Variants in XRN1 observed in about 807,000 individuals in gnomAD.
XRN1 encodes the protein strand-exchange protein 1 homolog.
A neutral mutation model predicts 222.3 loss-of-function variants in XRN1; 67 were observed. The ratio of observed to expected loss-of-function variants is 0.30; its 90% confidence interval spans 0.25 to 0.37. XRN1 has a LOEUF of 0.37. Ranked by LOEUF, XRN1 falls within the 10% of genes least tolerant of loss-of-function variation. The pLI is 1.00. For synonymous variants in XRN1, 643 were observed against 652.4 expected (o/e 0.99, Z 0.22); for missense variants, 1,707 against 2,000.2 (o/e 0.85, Z 2.80).
At chr3:142,396,075 A>G (rs757073870) in intron 20 of XRN1, among the ~76,000 whole-genome samples, 130 of 152,228 alleles carry the variant, frequency 8.5e-4, no homozygotes, top group Non-Finnish European at 1.4e-3. Context: ...TGTAAATATC[A>G]TAAGTGTAGG....
intron 33 of XRN1, among the ~76,000 whole-genome samples, chr3:142,338,060 C>G (rs916312250): frequency 4.6e-5 from 7 of 152,194 alleles, no homozygotes; most frequent in Non-Finnish European, 1.5e-5. Flanking sequence ...ACAAGGACTA[C>G]ACGTCCTAGT....
chr3:142,389,260 T>C (rs186670949), intron 20 of XRN1, among the ~76,000 whole-genome samples: 6 of 152,236 alleles, frequency 3.9e-5, no homozygotes. Flanking sequence ...TCAAGTTTTA[T>C]CATGAGAAAG....
rs1429687324 is a variant in XRN1, at chr3:142,403,953, G to A, written c.1920C>T (p.Asp640=). The A allele has an allele frequency of 1.2e-6, 2 of 1,600,568 alleles. No individual in the cohort carries two copies. Among genetic ancestry groups the A allele is most frequent in the African/African-American group, 1.3e-5 (1 of 74,706 alleles). Residue 640 remains aspartate (D), a synonymous_variant, in exon 17 of 41, where the codon GAC becomes GAT. Coordinates refer to ENST00000392981, the MANE Select transcript of XRN1 (RefSeq NM_001282857.2). ...KIISLDAWRV[D]INKNKITRID... ...TTCTGGTTATTTTGTTTTTGTTTAT[G>A]TCTACACGCCAAGCATCTAAGGATA... is the stretch of plus-strand genomic sequence containing the variant.
chr3:142,375,654 G>T, intron 25 of XRN1, 144 bp downstream of exon 25: 1 of 726,030 alleles, frequency 1.4e-6, no homozygotes, highest in Non-Finnish European at 2.1e-6. Context: ...GATATTCCAT[G>T]ATGCAAAATT....
At chr3:142,362,198 C>A (rs1164472283) in intron 29 of XRN1, among the ~76,000 whole-genome samples, 1 of 151,762 alleles carries the variant, frequency 6.6e-6, no homozygotes, top group African/African-American at 2.4e-5. Context: ...AGTGCAGTGG[C>A]ATGATCTCGG....
At chr3:142,391,026 T>G (rs868291962) in intron 20 of XRN1, among the ~76,000 whole-genome samples, 20 of 152,294 alleles carry the variant, frequency 1.3e-4, no homozygotes, top group African/African-American at 4.8e-4. Flanking sequence ...TGGTTGATGG[T>G]GACCAAAAAC....
chr3:142,434,394 T>C (rs529230970), intron 1 of XRN1, among the ~76,000 whole-genome samples: 1 of 152,206 alleles, frequency 6.6e-6, no homozygotes, highest in Admixed American at 6.5e-5. Flanking sequence ...GGTCTTGAAT[T>C]CCCGAGCTCA....
In XRN1 at chr3:142,309,882, T is replaced by C. The variant is rs1408432927; in HGVS notation, c.*1629A>G. 1.3e-5 allele frequency: 2 copies of C among 152,344 alleles called. No individual in the cohort carries two copies. Among genetic ancestry groups the C allele is most frequent in the African/African-American group, 4.8e-5 (2 of 41,462 alleles). 9.4% of individuals were successfully genotyped at this position (152,344 alleles called of 1,614,324 possible). On this transcript the variant is annotated 3_prime_UTR_variant, in exon 41 of 41. Transcript: ENST00000392981. Reference sequence around the variant, plus strand: ...CCTTTAAAAACAAAGAGAGAGTTTATGAGGCAATAATTATACACATTGAGG... The same window carrying C: ...CCTTTAAAAACAAAGAGAGAGTTTACGAGGCAATAATTATACACATTGAGG...
In XRN1 at chr3:142,313,150, T is replaced by C. The variant is rs747916274; in HGVS notation, c.4622-392A>G. On this transcript the variant is annotated intron_variant, in intron 39 of 40. Coordinates refer to ENST00000392981, the MANE Select transcript of XRN1 (RefSeq NM_001282857.2). ...AAGGATCTCACCTGCCCCCAATGCA[T>C]AGTTGCTTCCATAGTGATCCCAGCC... 1.2e-5 allele frequency: 19 copies of C among 1,612,916 alleles called. No individual in the cohort carries two copies. The East Asian group carries it at 2.0e-4, about 17-fold the overall frequency.
At chr3:142,401,658 G>A (rs2068137930) in intron 18 of XRN1, among the ~76,000 whole-genome samples, 1 of 152,094 alleles carries the variant, frequency 6.6e-6, no homozygotes. Context: ...AGGATGCAGT[G>A]ACCCAAGATA....
chr3:142,347,302 T>A lies in XRN1; in HGVS notation c.3809A>T (p.His1270Leu). ...GTTGTCATTAAAGCCAGATTTATGA[T>A]GTTGATTTACTTGGCTTATTTCTTG... Reference protein sequence around the residue: ...LPQEISQVNQHHKSGFNDNSV... With the variant: ...LPQEISQVNQLHKSGFNDNSV... The change falls in exon 33 of 41, where the codon CAT becomes CTT. Residue 1270 changes from histidine to leucine, a missense_variant. By Grantham distance (99) the His-to-Leu change is moderately conservative. Transcript: ENST00000392981. The A allele has an allele frequency of 1.2e-6, 2 of 1,607,346 alleles. No homozygotes were observed. The highest frequency in any genetic ancestry group is 1.7e-6 in the Non-Finnish European group (2 of 1,176,854).
At chr3:142,369,669 A>C (rs1200224623) in intron 27 of XRN1, among the ~76,000 whole-genome samples, 3 of 151,382 alleles carry the variant, frequency 2.0e-5, no homozygotes, top group Non-Finnish European at 2.9e-5. Context: ...AAAAAAAAAA[A>C]AACAAGAGTA....
intron 20 of XRN1, among the ~76,000 whole-genome samples, chr3:142,385,372 G>A (rs1263387514): frequency 6.6e-6 from 1 of 152,108 alleles, no homozygotes; most frequent in Admixed American, 6.5e-5. Flanking sequence ...GATACAAAAG[G>A]CCATATATCA....
intron 38 of XRN1, 46 bp downstream of exon 38, chr3:142,318,743 TA>T: frequency 3.7e-6 from 6 of 1,610,280 alleles, no homozygotes; most frequent in Non-Finnish European, 5.1e-6. Context: ...AAGCTTTCTA[TA>T]GGGACTAATA....
chr3:142,328,873 A>G (rs2065611705), intron 37 of XRN1, among the ~76,000 whole-genome samples: 1 of 148,456 alleles, frequency 6.7e-6, no homozygotes, highest in Admixed American at 6.8e-5. Flanking sequence ...CTCCTGCCTC[A>G]GCCTTGTGAG....
In XRN1 at chr3:142,421,508, G is replaced by A; in HGVS notation, c.1003C>T (p.Arg335Ter). Residue 335 changes from arginine (R) to a stop codon, truncating the protein, a stop_gained, in exon 9 of 41, where the codon CGA becomes TGA. Coordinates refer to ENST00000392981, the MANE Select transcript of XRN1 (RefSeq NM_001282857.2). LOFTEE classifies it high-confidence loss of function. ...AGTTTCACAAGGTATTTCTCAAATC[G>A]AGGTAAGTTGAGGTGCCCACTTTCA... The part of the protein sequence containing the change: ...INESGHLNLP[R>*]FEKYLVKLSD... The A allele has an allele frequency of 6.2e-7, 1 of 1,609,850 alleles. No individual in the cohort carries two copies. The highest frequency in any genetic ancestry group is 1.3e-5 in the African/African-American group (1 of 74,804).
intron 23 of XRN1, among the ~76,000 whole-genome samples, chr3:142,379,692 A>G (rs2067245792): frequency 6.6e-6 from 1 of 152,220 alleles, no homozygotes; most frequent in South Asian, 2.1e-4. Flanking sequence ...TTCTTAGCTG[A>G]AGAGATACAT....
At chr3:142,361,564 A>C (rs2066630963) in intron 29 of XRN1, among the ~76,000 whole-genome samples, 1 of 152,242 alleles carries the variant, frequency 6.6e-6, no homozygotes, top group Non-Finnish European at 1.5e-5. Flanking sequence ...CTGGCAATAT[A>C]GGAGAGTTCT....
chr3:142,394,865 A>G (rs1297871225), intron 20 of XRN1, among the ~76,000 whole-genome samples: 1 of 152,238 alleles, frequency 6.6e-6, no homozygotes, highest in African/African-American at 2.4e-5. Context: ...ACAGAAATTT[A>G]TTAGGTACAT....
Sources: gnomAD v4.1 joint callset for allele counts (sites outside exome capture counted in the v4.1 genomes callset) on GRCh38, gnomAD v4.1.1 for gene constraint, MANE v1.5 for transcripts, NCBI Gene and HGNC (gene_info 2026-07-23, HGNC 2026-07-21) for gene names.